KCND3: variants seen among roughly 807,000 people sequenced by gnomAD.
The protein encoded by KCND3 is potassium voltage-gated channel subfamily D member 3, also known as A-type voltage-gated potassium channel KCND3.
A neutral mutation model predicts 51.1 loss-of-function variants in KCND3; 9 were observed. That is an observed-to-expected ratio of 0.18 (90% CI 0.11 to 0.31). KCND3 has a LOEUF of 0.31. Among genes scored for constraint, KCND3 ranks in the 10% least tolerant of loss-of-function variants. The probability of loss-of-function intolerance (pLI) is 1.00; values close to 1 mark genes in which losing one functional copy is unlikely to be tolerated. For synonymous variants in KCND3, 349 were observed against 368.0 expected (o/e 0.95, Z 0.59); for missense variants, 526 against 903.8 (o/e 0.58, Z 5.36).
At chr1:111,793,799 G>A (rs529445543) in intron 2 of KCND3, among the ~76,000 whole-genome samples, 1 of 151,942 alleles carries the variant, frequency 6.6e-6, no homozygotes, top group African/African-American at 2.4e-5. Flanking sequence ...AGAAAGAAAG[G>A]GTAAGAAAAG....
At chr1:111,873,356 C>G (rs1668910514) in intron 2 of KCND3, among the ~76,000 whole-genome samples, 1 of 152,134 alleles carries the variant, frequency 6.6e-6, no homozygotes. Flanking sequence ...GCTTGCCTAG[C>G]AGCATATTAA....
chr1:111,847,378 C>T (rs538235413), intron 2 of KCND3, among the ~76,000 whole-genome samples: 3 of 152,036 alleles, frequency 2.0e-5, no homozygotes, highest in Non-Finnish European at 2.9e-5. Context: ...TTTGCTGCAA[C>T]GTGGGCTCGC....
chr1:111,970,770 A>G (rs1244058304), intron 2 of KCND3, among the ~76,000 whole-genome samples: 4 of 152,170 alleles, frequency 2.6e-5, no homozygotes, highest in African/African-American at 9.7e-5. Flanking sequence ...GTAGAATGGG[A>G]ACCTAACATC....
At chr1:111,962,635 G>T (rs1414754867) in intron 2 of KCND3, among the ~76,000 whole-genome samples, 2 of 152,200 alleles carry the variant, frequency 1.3e-5, no homozygotes, top group Non-Finnish European at 2.9e-5. Flanking sequence ...AGCCTATGTG[G>T]ATGCCCTGCC....
At chr1:111,850,082 T>C (rs1667739915) in intron 2 of KCND3, among the ~76,000 whole-genome samples, 1 of 152,192 alleles carries the variant, frequency 6.6e-6, no homozygotes, top group Admixed American at 6.5e-5. Context: ...ACCGCGCTCC[T>C]TCCTGCTGCA....
At chr1:111,805,042 G>T (rs1665499201) in intron 2 of KCND3, among the ~76,000 whole-genome samples, 1 of 152,176 alleles carries the variant, frequency 6.6e-6, no homozygotes, top group Non-Finnish European at 1.5e-5. Context: ...GCTGCAGGGT[G>T]GCGGGTGGAT....
At chr1:111,948,340 T>C (rs534557746) in intron 2 of KCND3, among the ~76,000 whole-genome samples, 21 of 152,242 alleles carry the variant, frequency 1.4e-4, no homozygotes, top group East Asian at 3.9e-4. Flanking sequence ...TAGCAGCAAA[T>C]AGATCACTCC....
At chr1:111,987,678 T>C (rs1299701710) in intron 1 of KCND3, among the ~76,000 whole-genome samples, 14 of 152,236 alleles carry the variant, frequency 9.2e-5, no homozygotes, top group Admixed American at 7.8e-4. Flanking sequence ...CTTCCGGAGC[T>C]GGCCTGGGTA....
intron 2 of KCND3, among the ~76,000 whole-genome samples, chr1:111,842,375 G>A (rs1667364070): frequency 6.6e-6 from 1 of 152,214 alleles, no homozygotes; most frequent in South Asian, 2.1e-4. Flanking sequence ...CATGAGGGAA[G>A]GTGGGACCTC....
At chr1:111,778,990 G>T (rs1664255086) in intron 5 of KCND3, among the ~76,000 whole-genome samples, 1 of 152,142 alleles carries the variant, frequency 6.6e-6, no homozygotes, top group Non-Finnish European at 1.5e-5. Flanking sequence ...ACTTGGAAAG[G>T]GCAGTTGGGT....
chr1:111,954,293 G>C (rs985542576), intron 2 of KCND3, among the ~76,000 whole-genome samples: 1 of 152,166 alleles, frequency 6.6e-6, no homozygotes. Context: ...ATGACATAGA[G>C]GAAAGGGACG....
chr1:111,789,259 G>A (rs987645998), intron 2 of KCND3, among the ~76,000 whole-genome samples: 1 of 152,230 alleles, frequency 6.6e-6, no homozygotes, highest in South Asian at 2.1e-4. Context: ...TGGGGCAGAT[G>A]GTCTGCTAGT....
At chr1:111,827,497 T>C (rs547603325) in intron 2 of KCND3, among the ~76,000 whole-genome samples, 64 of 152,260 alleles carry the variant, frequency 4.2e-4, no homozygotes, top group Non-Finnish European at 7.3e-4. Flanking sequence ...CCATCGCAAG[T>C]TAAGCACTGG....
rs1665442084 is a variant in KCND3 at position 111,803,916 on chromosome 1, C to T, written c.1107-16810G>A. ...TGACAAACAGTCCTGCAAAATCCCT[C>T]CTGCCTTCTTTAACTTTTCTTTATG... is the stretch of plus-strand genomic sequence containing the variant. On this transcript the variant is annotated intron_variant, in intron 2 of 7. Coordinates refer to ENST00000302127, the MANE Select transcript of KCND3 (RefSeq NM_001378969.1). Among the ~76,000 whole-genome samples, 3 of 152,356 alleles carry T rather than the reference C, an allele frequency of 2.0e-5. No individual in the cohort carries two copies. The South Asian group carries it at 6.2e-4, about 32-fold the overall frequency.
intron 2 of KCND3, among the ~76,000 whole-genome samples, chr1:111,863,744 A>C (rs1454576542): frequency 6.6e-6 from 1 of 152,190 alleles, no homozygotes; most frequent in Non-Finnish European, 1.5e-5. Flanking sequence ...GCAGGATAGC[A>C]ACATAATTAA....
chr1:111,960,925 C>G (rs891948247), intron 2 of KCND3, among the ~76,000 whole-genome samples: 7 of 152,092 alleles, frequency 4.6e-5, no homozygotes, highest in Non-Finnish European at 1.0e-4. Context: ...GAACCCCATC[C>G]AAATGCCAGC....
At chr1:111,842,222 T>C (rs1333374899) in intron 2 of KCND3, among the ~76,000 whole-genome samples, 1 of 152,074 alleles carries the variant, frequency 6.6e-6, no homozygotes, top group Non-Finnish European at 1.5e-5. Flanking sequence ...GAAGGGCTGA[T>C]GGTGAGGGTG....
At position 111,982,761 on chromosome 1, in the gene KCND3, ACG is replaced by A; in HGVS notation, c.-37_-36del. 1.3e-6 allele frequency: 2 copies of A among 1,579,786 alleles called. No individual in the cohort carries two copies. The highest frequency in any genetic ancestry group is 2.3e-5 in the South Asian group (2 of 88,652). On this transcript the variant is annotated 5_prime_UTR_variant, in exon 2 of 8. Transcript: ENST00000302127. This position sits in a 1 kb window ranked among gnomAD's most constrained non-coding sequence, Gnocchi z 8.5. ...AGCTCTTGGGCCGGCAGCCGCGCGG[ACG>A]CTAGGCACACCAGCTTGGAGTTAGT...
At chr1:111,968,239 GGAAA>G (rs544403709) in intron 2 of KCND3, among the ~76,000 whole-genome samples, 295 of 152,220 alleles carry the variant, frequency 1.9e-3, no homozygotes, top group Non-Finnish European at 3.3e-3. Flanking sequence ...GCTGCAGTGA[GGAAA>G]GAAAGGAGAG....
Sources: allele counts gnomAD v4.1 joint callset (sites outside exome capture counted in the v4.1 genomes callset), GRCh38; gene constraint gnomAD v4.1.1; non-coding constraint Gnocchi (gnomAD v3.1); transcripts MANE v1.5; gene names NCBI Gene and HGNC (gene_info 2026-07-23, HGNC 2026-07-21).